The following CDKAL1 variants were observed in gnomAD, a reference collection of about 807,000 sequenced individuals.
The protein encoded by CDKAL1 is CDKAL1 threonylcarbamoyladenosine tRNA methylthiotransferase, also known as threonylcarbamoyladenosine tRNA methylthiotransferase.
CDKAL1 carries 32 observed loss-of-function variants against 68.2 expected under a neutral mutation model. That is an observed-to-expected ratio of 0.47 (90% confidence interval 0.35 to 0.63). The LOEUF is 0.63. CDKAL1 is among the 30% of genes least tolerant of loss of function. The probability of loss-of-function intolerance (pLI) is 0.00; values close to 1 mark genes in which losing one functional copy is unlikely to be tolerated. For synonymous variants in CDKAL1, 234 were observed against 244.3 expected (o/e 0.96, Z 0.39); for missense variants, 606 against 696.7 (o/e 0.87, Z 1.47).
At chr6:21,032,255 CAAG>C (rs1769334987) in intron 11 of CDKAL1, among the ~76,000 whole-genome samples, 1 of 151,966 alleles carries the variant, frequency 6.6e-6, no homozygotes, top group Admixed American at 6.6e-5. Context: ...GAGCTAAAGG[CAAG>C]AAGACTTTTT....
chr6:20,658,156 C>G (rs1212689004), intron 5 of CDKAL1, among the ~76,000 whole-genome samples: 1 of 152,148 alleles, frequency 6.6e-6, no homozygotes, highest in Non-Finnish European at 1.5e-5. Flanking sequence ...CATTCAGAGG[C>G]TGGTGAAAAT....
chr6:20,766,202 AT>A lies in CDKAL1; in HGVS notation c.517+7567del, dbSNP rs149838257. ...TATTTCCTTTTCTGATCAAAGATACATTTTTTTTAATTATTTGAAACCACCT... is the reference window on the plus strand; with the variant it reads ...TATTTCCTTTTCTGATCAAAGATACATTTTTTTAATTATTTGAAACCACCT... On this transcript the variant is annotated intron_variant, in intron 7 of 15. Transcript: ENST00000274695. Among the ~76,000 whole-genome samples, 10 of 152,028 alleles carry A rather than the reference AT, an allele frequency of 6.6e-5. No individual in the cohort carries two copies. The South Asian group carries it at 1.9e-3, about 28-fold the overall frequency.
intron 5 of CDKAL1, among the ~76,000 whole-genome samples, chr6:20,714,706 T>G (rs1417425680): frequency 6.6e-6 from 1 of 152,200 alleles, no homozygotes; most frequent in African/African-American, 2.4e-5. Flanking sequence ...TTTTGCTGCT[T>G]CTTTATTACC....
intron 10 of CDKAL1, among the ~76,000 whole-genome samples, chr6:20,986,482 A>G (rs1033486801): frequency 1.3e-5 from 2 of 152,122 alleles, no homozygotes; most frequent in South Asian, 2.1e-4. Flanking sequence ...TTAAAGAACA[A>G]TGGAGATATT....
At chr6:20,605,590 T>C (rs6925097) in intron 4 of CDKAL1, among the ~76,000 whole-genome samples, 51,815 of 151,968 alleles carry the variant, frequency 0.34, 9,334 homozygotes, top group East Asian at 0.53. Context: ...TGTGTTCTTA[T>C]AAATATTTTT....
intron 12 of CDKAL1, among the ~76,000 whole-genome samples, chr6:21,093,772 G>A (rs1329514015): frequency 7.6e-6 from 1 of 130,906 alleles, no homozygotes; most frequent in African/African-American, 2.9e-5. Flanking sequence ...CTGGAGTGCA[G>A]TGGCACGATC....
At chr6:21,196,233 T>C (rs1303516563) in intron 13 of CDKAL1, among the ~76,000 whole-genome samples, 7 of 152,190 alleles carry the variant, frequency 4.6e-5, no homozygotes, top group Admixed American at 4.6e-4. Flanking sequence ...TAATTGCAGA[T>C]TTCCTTAAGA....
intron 13 of CDKAL1, among the ~76,000 whole-genome samples, chr6:21,181,716 C>G (rs1205623434): frequency 1.3e-5 from 2 of 152,134 alleles, no homozygotes; most frequent in Non-Finnish European, 2.9e-5. Flanking sequence ...ATTAACAGGT[C>G]TGTATTTTAT....
At position 20,870,443 on chromosome 6, in the gene CDKAL1, C is replaced by G. The variant is rs150811169; in HGVS notation, c.742+24265C>G. 2.0e-3 allele frequency among the ~76,000 whole-genome samples: 311 copies of G among 152,306 alleles called. 3 individuals carry two copies. Among genetic ancestry groups the G allele is most frequent in the African/African-American group, 7.0e-3 (289 of 41,564 alleles). ...TTCTAGAAACTCATTAGGGCAGCAACAAGAGTTGGTTGAAAACTCCTTTTA... is the reference window on the plus strand; with the variant it reads ...TTCTAGAAACTCATTAGGGCAGCAAGAAGAGTTGGTTGAAAACTCCTTTTA... On this transcript the variant is annotated intron_variant, in intron 9 of 15. Transcript: ENST00000274695.
chr6:20,660,293 A>G (rs1217013104), intron 5 of CDKAL1, among the ~76,000 whole-genome samples: 2 of 152,080 alleles, frequency 1.3e-5, no homozygotes, highest in African/African-American at 4.8e-5. Context: ...ACCTCAGAAA[A>G]ATTCTTTTTA....
intron 13 of CDKAL1, among the ~76,000 whole-genome samples, chr6:21,192,831 T>TA (rs1778312090): frequency 2.1e-5 from 3 of 140,930 alleles, no homozygotes; most frequent in African/African-American, 8.4e-5. Flanking sequence ...TTTTTTTTTT[T>TA]AGAGATAGGA....
At chr6:20,688,425 C>A (rs1012404264) in intron 5 of CDKAL1, among the ~76,000 whole-genome samples, 10 of 151,004 alleles carry the variant, frequency 6.6e-5, no homozygotes, top group African/African-American at 2.4e-4. Flanking sequence ...AGGTTTCTTT[C>A]GTTTTTTTTT....
chr6:20,774,611 A>C (rs1239452514), intron 7 of CDKAL1, among the ~76,000 whole-genome samples: 1 of 152,220 alleles, frequency 6.6e-6, no homozygotes, highest in Non-Finnish European at 1.5e-5. Flanking sequence ...AGCATTGAAC[A>C]TTGATTCAAC....
chr6:21,202,865 T>C (rs1242950687), intron 15 of CDKAL1, among the ~76,000 whole-genome samples: 1 of 152,200 alleles, frequency 6.6e-6, no homozygotes, highest in African/African-American at 2.4e-5. Flanking sequence ...AATGGTGTTA[T>C]CAGTTCTACC....
Position 20,968,956 on chromosome 6 carries a change from A to G in CDKAL1, c.909+13371A>G, listed in dbSNP as rs1479474296. Among the ~76,000 whole-genome samples, 4 of 152,082 alleles carry G rather than the reference A, an allele frequency of 2.6e-5. No homozygotes were observed. The East Asian group carries it at 5.8e-4, about 22-fold the overall frequency. The stretch of plus-strand genomic sequence containing the variant: ...TCTCCTTTTTTCCTGTGCACAAACC[A>G]TATTTTCTTGTTTGTTTGGAGGGTT... On this transcript the variant is annotated intron_variant, in intron 10 of 15. Coordinates refer to ENST00000274695, the MANE Select transcript of CDKAL1 (RefSeq NM_017774.3).
At chr6:20,730,290 C>T (rs759742816) in intron 5 of CDKAL1, among the ~76,000 whole-genome samples, 88 of 142,962 alleles carry the variant, frequency 6.2e-4, no homozygotes, top group Non-Finnish European at 1.2e-3. Flanking sequence ...GAGCCACACC[C>T]TGAAAAAAAA....
chr6:20,633,413 A>C (rs1767759727), intron 4 of CDKAL1, among the ~76,000 whole-genome samples: 1 of 152,110 alleles, frequency 6.6e-6, no homozygotes, highest in African/African-American at 2.4e-5. Flanking sequence ...TAAATATACC[A>C]CATTTTATTT....
At chr6:20,923,075 TTCTC>T (rs200707001) in intron 9 of CDKAL1, among the ~76,000 whole-genome samples, 6 of 151,816 alleles carry the variant, frequency 4.0e-5, no homozygotes, top group Non-Finnish European at 5.9e-5. Context: ...ATATAAAGTC[TTCTC>T]TCTCTCTCTC....
chr6:20,863,540 C>T (rs1216867540), intron 9 of CDKAL1, among the ~76,000 whole-genome samples: 1 of 152,264 alleles, frequency 6.6e-6, no homozygotes, highest in Non-Finnish European at 1.5e-5. Context: ...CATCTTTTGC[C>T]TTACTAATTG....
Sources: gnomAD v4.1 joint callset for allele counts (sites outside exome capture counted in the v4.1 genomes callset) on GRCh38, gnomAD v4.1.1 for gene constraint, MANE v1.5 for transcripts, NCBI Gene and HGNC (gene_info 2026-07-23, HGNC 2026-07-21) for gene names.